CAP2: variants seen among roughly 807,000 people sequenced by gnomAD.
The protein encoded by CAP2 is cyclase associated actin cytoskeleton regulatory protein 2.
Under a neutral mutation model 57.7 loss-of-function variants are expected in CAP2, and 24 were observed. That is an observed-to-expected ratio of 0.42 (90% confidence interval 0.30 to 0.58). The LOEUF (loss-of-function observed/expected upper bound fraction) is 0.58. Ranked by LOEUF, CAP2 falls within the 20% of genes least tolerant of loss-of-function variation. CAP2 has a pLI of 0.22. For synonymous variants in CAP2, 194 were observed against 207.2 expected, an observed-to-expected ratio of 0.94 and a Z score of 0.55; for missense variants, 501 against 590.3, an observed-to-expected ratio of 0.85 and a Z score of 1.57.
chr6:17,503,734 A>G (rs1329241201), intron 4 of CAP2, among the ~76,000 whole-genome samples: 2 of 151,982 alleles, frequency 1.3e-5, no homozygotes, highest in African/African-American at 4.8e-5. Context: ...CATATTTAAG[A>G]TCCTTTCTCC....
intron 4 of CAP2, among the ~76,000 whole-genome samples, chr6:17,496,564 C>T (rs956724435): frequency 1.3e-5 from 2 of 152,056 alleles, no homozygotes; most frequent in African/African-American, 2.4e-5. Flanking sequence ...GGGTTCAAGC[C>T]ATCTGCCCAC....
chr6:17,510,703 A>G (rs940787847), intron 6 of CAP2, among the ~76,000 whole-genome samples: 25 of 152,230 alleles, frequency 1.6e-4, no homozygotes, highest in African/African-American at 5.3e-4. Flanking sequence ...GCAAGTTTCA[A>G]TTCCCAAACC....
Position 17,526,029 on chromosome 6 carries a change from G to T in CAP2, c.636+12075G>T, listed in dbSNP as rs529828373. Reference sequence around the variant, plus strand: ...TTCAAACACATTTGCTAAATCCACTGTATTCATTTGTCATCACAATGAAAT... The same window carrying T: ...TTCAAACACATTTGCTAAATCCACTTTATTCATTTGTCATCACAATGAAAT... On this transcript the variant is annotated intron_variant, in intron 7 of 12. Transcript: ENST00000229922. Among the ~76,000 whole-genome samples, 578 of 151,960 alleles carry T rather than the reference G, an allele frequency of 3.8e-3. 3 individuals carry two copies. Among genetic ancestry groups the T allele is most frequent in the African/African-American group, 0.013 (544 of 41,418 alleles).
At position 17,426,661 on chromosome 6, in the gene CAP2, A is replaced by T; in HGVS notation, c.193A>T (p.Arg65Trp). The change falls in exon 3 of 13, where the codon AGG (arginine) becomes TGG (tryptophan). Residue 65 changes from arginine (R) to tryptophan (W), a missense_variant. Physicochemically the swap from Arg to Trp is moderately radical, Grantham distance 101. Coordinates refer to ENST00000229922, the MANE Select transcript of CAP2 (RefSeq NM_006366.3). Reference sequence around the variant, plus strand: ...GGTGGCCGAGTTTTTAAAGAACAGTAGGATCCTTGCTGGGGACGTGGAGAC... The same window carrying T: ...GGTGGCCGAGTTTTTAAAGAACAGTTGGATCCTTGCTGGGGACGTGGAGAC... ...SMVAEFLKNS[R>W]ILAGDVETHA... 6.2e-7 allele frequency: 1 copy of T among 1,613,836 alleles called. No homozygotes were observed. The highest frequency in any genetic ancestry group is 8.5e-7 in the Non-Finnish European group (1 of 1,179,764).
At chr6:17,445,093 G>GT (rs1760219188) in intron 3 of CAP2, among the ~76,000 whole-genome samples, 1 of 152,064 alleles carries the variant, frequency 6.6e-6, no homozygotes, top group Non-Finnish European at 1.5e-5. Flanking sequence ...GAACCTTACT[G>GT]TAAGTATTTT....
intron 12 of CAP2, among the ~76,000 whole-genome samples, chr6:17,554,119 T>C (rs1378829631): frequency 2.0e-5 from 3 of 152,352 alleles, no homozygotes; most frequent in South Asian, 2.1e-4. Flanking sequence ...GTTTGTTTGT[T>C]TGTCTGAGAC....
intron 2 of CAP2, 50 bp from the exon 3 acceptor site, chr6:17,426,540 C>T: frequency 7.1e-7 from 1 of 1,400,098 alleles, no homozygotes; most frequent in South Asian, 1.2e-5. Context: ...CGGCTAGTCC[C>T]AGGTTTTCAT....
At chr6:17,442,124 C>G (rs575336077) in intron 3 of CAP2, among the ~76,000 whole-genome samples, 17 of 152,180 alleles carry the variant, frequency 1.1e-4, no homozygotes, top group African/African-American at 3.1e-4. Flanking sequence ...ATTCTTTGGT[C>G]GAGTAAGTCA....
At position 17,450,055 on chromosome 6, in the gene CAP2, CT is replaced by C. The variant is rs560454962; in HGVS notation, c.223-12927del. ...AAAGAAAACCATTTATCAGTTCTAC[CT>C]TTTTTTTTTTTTTAAGACTGGGTCT... On this transcript the variant is annotated intron_variant, in intron 3 of 12. Transcript: ENST00000229922. Among the ~76,000 whole-genome samples the C allele has an allele frequency of 4.5e-3, 647 of 143,928 alleles. 3 individuals carry two copies. The highest frequency in any genetic ancestry group is 0.019 in the East Asian group (92 of 4,962). The allele number at this position is 143,928 out of a possible 152,430, so 94.4% of individuals were successfully genotyped here. A position where few individuals can be genotyped will look rare whatever the true frequency, so the allele number is the denominator to read the frequency against.
At chr6:17,477,529 T>C (rs1761182067) in intron 4 of CAP2, among the ~76,000 whole-genome samples, 1 of 152,220 alleles carries the variant, frequency 6.6e-6, no homozygotes, top group Non-Finnish European at 1.5e-5. Context: ...TAAATGAGTC[T>C]CTGAAAACCT....
intron 3 of CAP2, among the ~76,000 whole-genome samples, chr6:17,432,496 A>G (rs1359423636): frequency 6.6e-6 from 1 of 152,202 alleles, no homozygotes; most frequent in Non-Finnish European, 1.5e-5. Flanking sequence ...TAGATGTGGA[A>G]TATCTTGGCA....
intron 4 of CAP2, among the ~76,000 whole-genome samples, chr6:17,506,305 A>G (rs2113656184): frequency 6.6e-6 from 1 of 152,254 alleles, no homozygotes. Context: ...ACTGGGGACA[A>G]TGTAGAATGC....
chr6:17,480,622 G>A lies in CAP2; in HGVS notation c.300+17549G>A, dbSNP rs116796599. 5.8e-3 allele frequency among the ~76,000 whole-genome samples: 889 copies of A among 152,272 alleles called. 8 individuals carry two copies. Among genetic ancestry groups the A allele is most frequent in the Non-Finnish European group, 0.01 (689 of 68,014 alleles). Reference sequence around the variant, plus strand: ...GCCCCTTGAACTGGGACTTGCAAGAGAAGCAGGATTCATGCATGAGAAATT... The same window carrying A: ...GCCCCTTGAACTGGGACTTGCAAGAAAAGCAGGATTCATGCATGAGAAATT... On this transcript the variant is annotated intron_variant, in intron 4 of 12. Transcript: ENST00000229922.
chr6:17,554,855 G>T (rs1763257830), intron 12 of CAP2, among the ~76,000 whole-genome samples: 1 of 152,194 alleles, frequency 6.6e-6, no homozygotes, highest in Non-Finnish European at 1.5e-5. Flanking sequence ...TGAAATGACT[G>T]GAGAATCACT....
intron 4 of CAP2, among the ~76,000 whole-genome samples, chr6:17,491,862 C>G (rs1761549759): frequency 6.6e-6 from 1 of 152,190 alleles, no homozygotes; most frequent in Admixed American, 6.5e-5. Flanking sequence ...AGTAAGCAAT[C>G]AGTAAATTTT....
chr6:17,523,964 C>T (rs1194156470), intron 7 of CAP2, among the ~76,000 whole-genome samples: 1 of 151,620 alleles, frequency 6.6e-6, no homozygotes, highest in South Asian at 2.1e-4. Context: ...GTCCCAGCTA[C>T]TCAGGAGGCT....
At chr6:17,460,168 C>T (rs1535016) in intron 3 of CAP2, among the ~76,000 whole-genome samples, 73,134 of 151,984 alleles carry the variant, frequency 0.48, 18,708 homozygotes, top group East Asian at 0.84. Context: ...TCTGGGGCCA[C>T]GCTCTCTGAA....
At chr6:17,552,392 T>C (rs1244981001) in intron 12 of CAP2, among the ~76,000 whole-genome samples, 1 of 152,208 alleles carries the variant, frequency 6.6e-6, no homozygotes, top group Admixed American at 6.5e-5. Flanking sequence ...CTTACCCCTG[T>C]AATGCCAGCA....
intron 3 of CAP2, among the ~76,000 whole-genome samples, chr6:17,461,218 C>CTTTTTTTTTTTTTTTTTTTT (rs35423332): frequency 6.8e-6 from 1 of 147,970 alleles, no homozygotes; most frequent in Non-Finnish European, 1.5e-5. Flanking sequence ...TCTTTGAAAC[C>CTTTTTTTTTTTTTTTTTTTT]TTTTTTTTTT....
Sources: allele counts gnomAD v4.1 joint callset (sites outside exome capture counted in the v4.1 genomes callset), GRCh38; gene constraint gnomAD v4.1.1; transcripts MANE v1.5; gene names NCBI Gene and HGNC (gene_info 2026-07-23, HGNC 2026-07-21).